Variants in PASD1 observed in about 807,000 individuals in gnomAD.
PASD1 encodes the protein circadian clock protein PASD1.
In PASD1, 13 loss-of-function variants were observed where a neutral mutation model predicts 58.8. The ratio of observed to expected loss-of-function variants is 0.22; its 90% confidence interval spans 0.14 to 0.35. The LOEUF (loss-of-function observed/expected upper bound fraction) is 0.35. Among genes scored for constraint, PASD1 ranks in the 10% least tolerant of loss-of-function variants. PASD1 has a pLI of 1.00. For missense variants in PASD1, 734 were observed against 568.3 expected (o/e 1.29, Z -2.96); for synonymous variants, 236 against 216.7 (o/e 1.09, Z -0.78).
chrX:151,588,649 G>T (rs1269577769), intron 1 of PASD1, among the ~76,000 whole-genome samples: 1 of 111,601 alleles, frequency 9.0e-6, no homozygotes, highest in Non-Finnish European at 1.9e-5. Flanking sequence ...GCCAGGAACT[G>T]CCTGTGATTT....
chrX:151,650,932 G>C (rs2014121692), intron 9 of PASD1, among the ~76,000 whole-genome samples: 1 of 111,614 alleles, frequency 9.0e-6, no homozygotes, highest in Non-Finnish European at 1.9e-5. Flanking sequence ...CTAGAGAAGA[G>C]AGAGCTGCAT....
At chrX:151,588,115 G>A (rs1252781472) in intron 1 of PASD1, among the ~76,000 whole-genome samples, 1 of 111,589 alleles carries the variant, frequency 9.0e-6, no homozygotes, top group Non-Finnish European at 1.9e-5. Flanking sequence ...GTGCCATAAT[G>A]CATTTTCCCC....
chrX:151,624,954 A>G (rs1033333498), intron 7 of PASD1, among the ~76,000 whole-genome samples: 1 of 111,974 alleles, frequency 8.9e-6, no homozygotes, highest in Non-Finnish European at 1.9e-5. Flanking sequence ...CAGACATCCC[A>G]TTTTGGAAGT....
chrX:151,585,259 G>A, intron 1 of PASD1, among the ~76,000 whole-genome samples: 1 of 112,070 alleles, frequency 8.9e-6, no homozygotes, highest in Non-Finnish European at 1.9e-5. Flanking sequence ...TTACTAGCTG[G>A]TTGATCTTGG....
chrX:151,660,023 A>G (rs929680721), intron 10 of PASD1, among the ~76,000 whole-genome samples, 187 bp downstream of exon 10: 1 of 112,602 alleles, frequency 8.9e-6, no homozygotes, highest in Non-Finnish European at 1.9e-5. Context: ...TGAGTATTTC[A>G]TCACAGATTC....
chrX:151,596,103 G>A (rs1166448969), intron 1 of PASD1, among the ~76,000 whole-genome samples: 1 of 111,896 alleles, frequency 8.9e-6, no homozygotes, highest in Non-Finnish European at 1.9e-5. Flanking sequence ...AGTTATTCTA[G>A]AGTGATAAAC....
intron 1 of PASD1, among the ~76,000 whole-genome samples, chrX:151,596,624 T>C (rs767526164): frequency 1.8e-5 from 2 of 112,724 alleles, no homozygotes; most frequent in South Asian, 7.3e-4. Flanking sequence ...TGCTGGTATG[T>C]AGGAACAAAT....
At chrX:151,626,249 A>G (rs990059062) in intron 8 of PASD1, among the ~76,000 whole-genome samples, 1 of 111,929 alleles carries the variant, frequency 8.9e-6, no homozygotes, top group Non-Finnish European at 1.9e-5. Context: ...GGTAACTGCT[A>G]ATTATACAGG....
chrX:151,657,651 G>T (rs1452347215), intron 9 of PASD1, among the ~76,000 whole-genome samples: 1 of 111,563 alleles, frequency 9.0e-6, no homozygotes, highest in Non-Finnish European at 1.9e-5. Flanking sequence ...TTGTGTAGAG[G>T]TGTTTATAGT....
intron 13 of PASD1, 136 bp downstream of exon 13, chrX:151,671,915 C>T: frequency 1.3e-6 from 1 of 757,069 alleles, no homozygotes; most frequent in East Asian, 3.4e-5. Flanking sequence ...AGTAAAAAAT[C>T]CTGGGCTACC....
At chrX:151,596,894 G>A (rs6653457) in intron 1 of PASD1, among the ~76,000 whole-genome samples, 29 of 112,192 alleles carry the variant, frequency 2.6e-4, no homozygotes, top group African/African-American at 7.8e-4. Context: ...AAAATCATAT[G>A]TGTGTATTAA....
At chrX:151,585,885 C>G (rs779107433) in intron 1 of PASD1, among the ~76,000 whole-genome samples, 1 of 111,212 alleles carries the variant, frequency 9.0e-6, no homozygotes, top group South Asian at 3.8e-4. Context: ...GTTGTTTCAA[C>G]CAAGGAAGGA....
intron 9 of PASD1, among the ~76,000 whole-genome samples, chrX:151,651,799 T>G (rs1489120386): frequency 8.9e-6 from 1 of 111,977 alleles, no homozygotes; most frequent in East Asian, 2.8e-4. Context: ...CATTCCAGTT[T>G]TACAGATGGC....
intron 8 of PASD1, among the ~76,000 whole-genome samples, chrX:151,632,453 G>A (rs975717591): frequency 9.0e-6 from 1 of 111,489 alleles, no homozygotes; most frequent in African/African-American, 3.3e-5. Context: ...CACCAGAGAG[G>A]AACATTCAGA....
intron 1 of PASD1, among the ~76,000 whole-genome samples, chrX:151,594,114 C>T (rs1354233909): frequency 2.7e-5 from 3 of 110,597 alleles, no homozygotes; most frequent in Non-Finnish European, 3.8e-5. Flanking sequence ...GCTGGGACTA[C>T]AGGTGCCCGC....
intron 14 of PASD1, chrX:151,673,590 A>C (rs763532510): frequency 1.5e-4 from 44 of 289,775 alleles, no homozygotes; most frequent in Middle Eastern, 1.1e-3. Flanking sequence ...TCTGCCTTAC[A>C]GTCTCTGCTC....
At chrX:151,564,363 C>CA (rs1569395015) in intron 1 of PASD1, among the ~76,000 whole-genome samples, 2 of 111,593 alleles carry the variant, frequency 1.8e-5, no homozygotes, top group Non-Finnish European at 3.8e-5. Context: ...CGTGAAATCT[C>CA]AGACTTCAGA....
chrX:151,608,201 A>G (rs1214669164), intron 3 of PASD1, among the ~76,000 whole-genome samples: 1 of 111,397 alleles, frequency 9.0e-6, no homozygotes, highest in African/African-American at 3.3e-5. Flanking sequence ...TTATTGCTCC[A>G]CATCCTTGCT....
intron 8 of PASD1, 100 bp from the exon 9 acceptor site, chrX:151,648,510 TAAAAC>T (rs2014089319): frequency 5.1e-6 from 4 of 781,850 alleles, no homozygotes; most frequent in African/African-American, 2.1e-5. Flanking sequence ...GTAGGGAAAA[TAAAAC>T]AAATAGTTTT....
Sources: allele counts gnomAD v4.1 joint callset (sites outside exome capture counted in the v4.1 genomes callset), GRCh38; gene constraint gnomAD v4.1.1; transcripts MANE v1.5; gene names NCBI Gene and HGNC (gene_info 2026-07-23, HGNC 2026-07-21).